Variants in PTPRT observed in about 807,000 individuals in gnomAD.
The protein encoded by PTPRT is protein tyrosine phosphatase receptor type T.
In PTPRT, 56 loss-of-function variants were observed where a neutral mutation model predicts 176.8. That is an observed-to-expected ratio of 0.32 (90% CI 0.26 to 0.40). The LOEUF (loss-of-function observed/expected upper bound fraction) is 0.40, where lower values mean the gene tolerates loss of function less well. Among genes scored for constraint, PTPRT ranks in the 10% least tolerant of loss-of-function variants. PTPRT has a pLI of 1.00. For missense variants in PTPRT, 1,540 were observed against 1,908.2 expected (o/e 0.81, Z 3.60); for synonymous variants, 783 against 739.0 (o/e 1.06, Z -0.96).
chr20:43,102,248 ATCTCTC>A (rs111672972), intron 1 of PTPRT, among the ~76,000 whole-genome samples: 1 of 146,658 alleles, frequency 6.8e-6, no homozygotes, highest in Non-Finnish European at 1.5e-5. Context: ...TTCACTGGAC[ATCTCTC>A]TCTCTCTCTC....
intron 1 of PTPRT, among the ~76,000 whole-genome samples, chr20:43,061,179 T>A (rs556992540): frequency 4.6e-5 from 7 of 152,218 alleles, no homozygotes; most frequent in Non-Finnish European, 1.0e-4. Context: ...CACAAGTATT[T>A]CTGAAGTTCC....
intron 7 of PTPRT, among the ~76,000 whole-genome samples, chr20:42,643,241 C>T (rs1045596873): frequency 6.6e-6 from 1 of 152,132 alleles, no homozygotes; most frequent in Non-Finnish European, 1.5e-5. Flanking sequence ...AAGCATTTTG[C>T]CAAAATTCTA....
chr20:43,060,635 TTGAA>T (rs1568760115), intron 1 of PTPRT, among the ~76,000 whole-genome samples: 1 of 152,232 alleles, frequency 6.6e-6, no homozygotes, highest in Non-Finnish European at 1.5e-5. Flanking sequence ...ATTGTGAAGA[TTGAA>T]TGAAATAATT....
chr20:43,105,865 G>GT (rs1233194312), intron 1 of PTPRT, among the ~76,000 whole-genome samples: 2 of 152,062 alleles, frequency 1.3e-5, no homozygotes, highest in Non-Finnish European at 2.9e-5. Flanking sequence ...TTGACTCTTG[G>GT]TGGGAGTTCT....
At chr20:43,106,189 G>A (rs1458785224) in intron 1 of PTPRT, among the ~76,000 whole-genome samples, 3 of 152,108 alleles carry the variant, frequency 2.0e-5, no homozygotes, top group African/African-American at 7.2e-5. Flanking sequence ...CTAACTTCTG[G>A]GTTCCTCTGC....
intron 6 of PTPRT, among the ~76,000 whole-genome samples, chr20:42,727,108 T>G (rs752180501): frequency 2.6e-5 from 4 of 152,188 alleles, no homozygotes; most frequent in African/African-American, 4.8e-5. Context: ...AAGACTGCCC[T>G]GCTGCTGACA....
At chr20:43,168,890 T>A (rs1438186441) in intron 1 of PTPRT, among the ~76,000 whole-genome samples, 1 of 152,242 alleles carries the variant, frequency 6.6e-6, no homozygotes, top group Non-Finnish European at 1.5e-5. Flanking sequence ...TTCAATGTAC[T>A]ACTCCAAATA....
At chr20:42,800,126 A>T (rs1330434636) in intron 2 of PTPRT, among the ~76,000 whole-genome samples, 1 of 152,210 alleles carries the variant, frequency 6.6e-6, no homozygotes, top group Non-Finnish European at 1.5e-5. Flanking sequence ...TATCAACCCT[A>T]TGAGGTAGTG....
At chr20:43,045,143 C>T (rs1380815875) in intron 1 of PTPRT, among the ~76,000 whole-genome samples, 1 of 152,184 alleles carries the variant, frequency 6.6e-6, no homozygotes, top group Non-Finnish European at 1.5e-5. Context: ...TGTTGAGATC[C>T]AGGAGGGAGG....
chr20:42,084,765 G>C lies in PTPRT; in HGVS notation c.4053C>G (p.Arg1351=), dbSNP rs760312442. Reference sequence around the variant, plus strand: ...GTCGTCGGACCACTTTGAGCAGAGAGCGCTTGGAGGGGGGCGTGTCCCGGT... The same window carrying C: ...GTCGTCGGACCACTTTGAGCAGAGACCGCTTGGAGGGGGGCGTGTCCCGGT... ...PAYRDTPPSK[R]SLLKVVRRLE... Residue 1351 remains arginine (R), a synonymous_variant, in exon 29 of 31, where the codon CGC becomes CGG. Transcript: ENST00000373187. 4 of 1,562,900 alleles carry C rather than the reference G, an allele frequency of 2.6e-6. No individual in the cohort carries two copies. The highest frequency in any genetic ancestry group is 3.5e-6 in the Non-Finnish European group (4 of 1,150,680).
At chr20:42,282,592 C>A in intron 12 of PTPRT, 67 bp from the exon 13 acceptor site, 1 of 1,238,574 alleles carries the variant, frequency 8.1e-7, no homozygotes. Flanking sequence ...TATATAAAGA[C>A]AAAAATACAT....
chr20:42,567,673 T>C (rs957667504), intron 7 of PTPRT, among the ~76,000 whole-genome samples: 1 of 152,244 alleles, frequency 6.6e-6, no homozygotes, highest in African/African-American at 2.4e-5. Context: ...ACCTATTTGT[T>C]GTGAACATTC....
intron 7 of PTPRT, among the ~76,000 whole-genome samples, chr20:42,660,868 T>C (rs2075211187): frequency 6.6e-6 from 1 of 152,186 alleles, no homozygotes; most frequent in South Asian, 2.1e-4. Flanking sequence ...TTATTTTTTC[T>C]TGAGACAGAG....
intron 6 of PTPRT, among the ~76,000 whole-genome samples, chr20:42,728,410 T>C (rs972946173): frequency 7.2e-5 from 11 of 152,186 alleles, no homozygotes; most frequent in Non-Finnish European, 1.2e-4. Context: ...CATTATCATC[T>C]TGCAAGGGGG....
chr20:42,080,316 T>TG lies in PTPRT; in HGVS notation c.*562dup, dbSNP rs377391394. On this transcript the variant is annotated 3_prime_UTR_variant, in exon 31 of 31. Coordinates refer to ENST00000373187, the MANE Select transcript of PTPRT (RefSeq NM_007050.6). ...GCCCCATGCAGGTTAGGTGTGAGGA[T>TG]GGGGGGCCTCTCTTGTGGCCTAGGG... is the stretch of plus-strand genomic sequence containing the variant. The TG allele has an allele frequency of 2.1e-4, 49 of 233,164 alleles. 1 individual carries two copies. Among genetic ancestry groups the TG allele is most frequent in the African/African-American group, 1.0e-3 (46 of 45,434 alleles). The allele number at this position is 233,164 out of a possible 1,614,324, so 14.4% of individuals were successfully genotyped here. A position where few individuals can be genotyped will look rare whatever the true frequency, so the allele number is the denominator to read the frequency against.
At chr20:42,405,200 T>C (rs35773524) in intron 9 of PTPRT, among the ~76,000 whole-genome samples, 5,311 of 151,750 alleles carry the variant, frequency 0.035, 119 homozygotes, top group Non-Finnish European at 0.052. Flanking sequence ...TTTTTTCTTT[T>C]TTTTTATTAT....
At chr20:42,228,530 G>A (rs527513336) in intron 15 of PTPRT, among the ~76,000 whole-genome samples, 2 of 152,276 alleles carry the variant, frequency 1.3e-5, no homozygotes, top group African/African-American at 4.8e-5. Flanking sequence ...TTATAATTGT[G>A]TCATGCAAGT....
At chr20:42,501,637 G>GTGT (rs928094590) in intron 7 of PTPRT, among the ~76,000 whole-genome samples, 2 of 152,168 alleles carry the variant, frequency 1.3e-5, no homozygotes, top group African/African-American at 4.8e-5. Flanking sequence ...CTCAGTGGCA[G>GTGT]TGTTGAATAG....
At chr20:42,817,123 T>C (rs112393751) in intron 2 of PTPRT, among the ~76,000 whole-genome samples, 1 of 152,184 alleles carries the variant, frequency 6.6e-6, no homozygotes, top group East Asian at 1.9e-4. Context: ...TAGAAAGTGA[T>C]TTAAAAGGGC....
Sources: gnomAD v4.1 joint callset for allele counts (sites outside exome capture counted in the v4.1 genomes callset) on GRCh38, gnomAD v4.1.1 for gene constraint, MANE v1.5 for transcripts, NCBI Gene and HGNC (gene_info 2026-07-23, HGNC 2026-07-21) for gene names.